GNB1L: variants seen among roughly 807,000 people sequenced by gnomAD.
GNB1L encodes G protein subunit beta 1 like.
In GNB1L, 20 loss-of-function variants were observed where a neutral mutation model predicts 29.1. The observed-to-expected ratio is 0.69, with a 90% CI of 0.48 to 1.00. The LOEUF (loss-of-function observed/expected upper bound fraction) is 1.00. Ranked by LOEUF, GNB1L falls within the 50% of genes least tolerant of loss-of-function variation. GNB1L has a pLI of 0.00. For synonymous variants in GNB1L, 193 were observed against 206.5 expected, an observed-to-expected ratio of 0.93 and a Z score of 0.56; for missense variants, 421 against 464.9, an observed-to-expected ratio of 0.91 and a Z score of 0.87.
At chr22:19,826,473 G>A (rs750236134) in intron 2 of GNB1L, among the ~76,000 whole-genome samples, 1 of 152,146 alleles carries the variant, frequency 6.6e-6, no homozygotes, top group Non-Finnish European at 1.5e-5. Context: ...AACAGAACTA[G>A]ACCCACAGAG....
At chr22:19,839,803 C>A (rs1170052591) in intron 2 of GNB1L, among the ~76,000 whole-genome samples, 1 of 151,810 alleles carries the variant, frequency 6.6e-6, no homozygotes, top group African/African-American at 2.4e-5. Context: ...TCACCTGAAC[C>A]CAGGAGGTGG....
At position 19,788,422 on chromosome 22, in the gene GNB1L, T is replaced by C. The variant is rs535398983; in HGVS notation, c.*287A>G. ...CCACCTCAAGCCTGCAACTTGGCAA[T>C]GGAAATTTATTATAAAATACCCTCA... On this transcript the variant is annotated 3_prime_UTR_variant, in exon 8 of 8. Transcript: ENST00000329517. The C allele has an allele frequency of 1.0e-5, 6 of 591,276 alleles. No homozygotes were observed. The East Asian group carries it at 1.4e-4, about 14-fold the overall frequency. The allele number at this position is 591,276 out of a possible 1,614,324, so 36.6% of individuals were successfully genotyped here. A position where few individuals can be genotyped will look rare whatever the true frequency, so the allele number is the denominator to read the frequency against.
At chr22:19,794,916 G>A (rs557843877) in intron 7 of GNB1L, among the ~76,000 whole-genome samples, 1 of 152,298 alleles carries the variant, frequency 6.6e-6, no homozygotes, top group East Asian at 1.9e-4. Flanking sequence ...GGGAGGCGGA[G>A]GTTGCAGTGA....
chr22:19,850,909 C>T lies in GNB1L; in HGVS notation c.-21+3534G>A, dbSNP rs905871328. ...CTCGTGGGAGCAGGCCTGGGTGAGA[C>T]GGCACTCCCAGAAGACGGGCAGGGA... On this transcript the variant is annotated intron_variant, in intron 2 of 7. Transcript: ENST00000329517. 2.8e-5 allele frequency: 38 copies of T among 1,362,806 alleles called. No individual in the cohort carries two copies. In the African/African-American group the frequency reaches 3.5e-4, roughly 13 times the overall value. The allele number at this position is 1,362,806 out of a possible 1,614,324, so 84.4% of individuals were successfully genotyped here. A position where few individuals can be genotyped will look rare whatever the true frequency, so the allele number is the denominator to read the frequency against.
rs987150992 is a variant in GNB1L, at chr22:19,803,960, T to C, written c.517-1744A>G. ...TCTGGCAGTCTCAGAGCCTAGAGCCTGTGTGAAGCCACTGCCTCTGAATTC... is the reference window on the plus strand; with the variant it reads ...TCTGGCAGTCTCAGAGCCTAGAGCCCGTGTGAAGCCACTGCCTCTGAATTC... On this transcript the variant is annotated intron_variant, in intron 6 of 7. Transcript: ENST00000329517. Among the ~76,000 whole-genome samples the C allele has an allele frequency of 3.9e-4, 59 of 152,262 alleles. 1 individual carries two copies.
chr22:19,831,895 A>G (rs544352749), intron 2 of GNB1L, among the ~76,000 whole-genome samples: 1 of 152,304 alleles, frequency 6.6e-6, no homozygotes, highest in Non-Finnish European at 1.5e-5. Context: ...ACATGAAAAG[A>G]TGTTCAACCA....
At chr22:19,813,601 T>C (rs1395247910) in intron 4 of GNB1L, among the ~76,000 whole-genome samples, 3 of 152,138 alleles carry the variant, frequency 2.0e-5, no homozygotes, top group East Asian at 3.8e-4. Context: ...GGCATGAGAA[T>C]TGTTTGAACC....
intron 2 of GNB1L, among the ~76,000 whole-genome samples, chr22:19,825,274 A>G (rs567132114): frequency 6.6e-6 from 1 of 152,338 alleles, no homozygotes; most frequent in African/African-American, 2.4e-5. Context: ...TTACACCAGG[A>G]CGGACACCCT....
At chr22:19,819,673 A>G (rs1937562477) in intron 4 of GNB1L, among the ~76,000 whole-genome samples, 1 of 152,180 alleles carries the variant, frequency 6.6e-6, no homozygotes, top group Non-Finnish European at 1.5e-5. Context: ...CTGAATACCA[A>G]TGGGGACAGG....
intron 2 of GNB1L, chr22:19,846,489 C>A: frequency 1.0e-6 from 1 of 985,394 alleles, no homozygotes; most frequent in Non-Finnish European, 1.2e-6. Flanking sequence ...TGCACACAGG[C>A]ATGTGGAGAC....
chr22:19,799,080 G>A (rs1374990210), intron 7 of GNB1L, among the ~76,000 whole-genome samples: 1 of 152,250 alleles, frequency 6.6e-6, no homozygotes, highest in African/African-American at 2.4e-5. Flanking sequence ...CACCACTGCT[G>A]TGCAGATGGG....
At chr22:19,820,979 AT>A (rs1601336343) in intron 3 of GNB1L, among the ~76,000 whole-genome samples, 1 of 152,212 alleles carries the variant, frequency 6.6e-6, no homozygotes, top group East Asian at 1.9e-4. Flanking sequence ...AGGGGGAGCC[AT>A]GCCACAGTAA....
intron 5 of GNB1L, among the ~76,000 whole-genome samples, chr22:19,811,689 T>G (rs1347380897): frequency 6.6e-6 from 1 of 151,984 alleles, no homozygotes; most frequent in Non-Finnish European, 1.5e-5. Context: ...TGCTTGGTGA[T>G]CCCCCCACCC....
chr22:19,846,541 GAC>G (rs1937965784), intron 2 of GNB1L: 11 of 985,402 alleles, frequency 1.1e-5, no homozygotes, highest in Non-Finnish European at 1.3e-5. Context: ...GAACAGCAAA[GAC>G]AAAACCAGAG....
intron 5 of GNB1L, among the ~76,000 whole-genome samples, chr22:19,810,538 C>T (rs527314242): frequency 3.3e-5 from 5 of 152,282 alleles, no homozygotes; most frequent in South Asian, 4.1e-4. Context: ...GTACACACCA[C>T]GTCTACCTGG....
At chr22:19,851,950 T>C (rs1460389339) in intron 2 of GNB1L, 3 of 1,614,116 alleles carry the variant, frequency 1.9e-6, no homozygotes, top group Non-Finnish European at 2.5e-6. Flanking sequence ...CAAAGGTGCC[T>C]GGGTCTGAGC....
intron 7 of GNB1L, among the ~76,000 whole-genome samples, chr22:19,798,916 T>C (rs931418450): frequency 1.3e-5 from 2 of 152,326 alleles, no homozygotes; most frequent in Admixed American, 6.5e-5. Flanking sequence ...GTGCTCCTGA[T>C]GGCAGATGGA....
rs1468350618 is a variant in GNB1L at position 19,847,803 on chromosome 22, G to GGAAAAAAA, written c.-21+6639_-21+6640insTTTTTTTC. 1.5e-4 allele frequency: 64 copies of GGAAAAAAA among 440,406 alleles called. No individual in the cohort carries two copies. The African/African-American group carries it at 2.5e-3, about 17-fold the overall frequency. 27.3% of individuals were successfully genotyped at this position (440,406 alleles called of 1,614,324 possible). On this transcript the variant is annotated intron_variant, in intron 2 of 7. Transcript: ENST00000329517. ...AACTTTTAAAATCCTGGAATCATAG[G>GGAAAAAAA]CAAAAAAAAAAAAAAAAAAAAATTC...
intron 2 of GNB1L, chr22:19,849,366 TTTG>T (rs1021730857): frequency 3.9e-5 from 36 of 923,626 alleles, no homozygotes; most frequent in East Asian, 2.4e-4. Context: ...GTTTTTGTTT[TTTG>T]TTGTTTTTTT....
Sources: gnomAD v4.1 joint callset for allele counts (sites outside exome capture counted in the v4.1 genomes callset) on GRCh38, gnomAD v4.1.1 for gene constraint, MANE v1.5 for transcripts, NCBI Gene and HGNC (gene_info 2026-07-23, HGNC 2026-07-21) for gene names.